MYO5B: variants seen among roughly 807,000 people sequenced by gnomAD.
MYO5B encodes the protein unconventional myosin-Vb.
A neutral mutation model predicts 229.3 loss-of-function variants in MYO5B; 143 were observed. The ratio of observed to expected loss-of-function variants is 0.62; its 90% CI spans 0.54 to 0.72. The LOEUF (loss-of-function observed/expected upper bound fraction) is 0.72. Among genes scored for constraint, MYO5B ranks in the 30% least tolerant of loss-of-function variants. MYO5B has a pLI of 0.00. For synonymous variants in MYO5B, 918 were observed against 885.2 expected, an observed-to-expected ratio of 1.04 and a Z score of -0.66; for missense variants, 2,321 against 2,331.0, an observed-to-expected ratio of 1.00 and a Z score of 0.09.
At chr18:50,113,372 T>C (rs912402357) in intron 1 of MYO5B, among the ~76,000 whole-genome samples, 1 of 152,140 alleles carries the variant, frequency 6.6e-6, no homozygotes, top group Admixed American at 6.5e-5. Flanking sequence ...TCGTGATCAT[T>C]TTTGCCAGTT....
chr18:50,136,616 C>T (rs1180858429), intron 1 of MYO5B, among the ~76,000 whole-genome samples: 1 of 152,096 alleles, frequency 6.6e-6, no homozygotes, highest in Non-Finnish European at 1.5e-5. Flanking sequence ...TACAAACATG[C>T]ACAGTTCTTG....
chr18:50,107,935 C>T (rs1362304644), intron 1 of MYO5B, among the ~76,000 whole-genome samples: 1 of 152,170 alleles, frequency 6.6e-6, no homozygotes, highest in African/African-American at 2.4e-5. Flanking sequence ...AAGACAGTCT[C>T]ACCCTGTTAC....
intron 1 of MYO5B, among the ~76,000 whole-genome samples, chr18:50,112,336 A>G (rs546480619): frequency 6.6e-6 from 1 of 152,316 alleles, no homozygotes; most frequent in African/African-American, 2.4e-5. Context: ...AAACACTGCT[A>G]TTAAGGATAA....
intron 4 of MYO5B, among the ~76,000 whole-genome samples, chr18:50,032,335 C>A (rs1040233298): frequency 2.6e-5 from 4 of 152,102 alleles, no homozygotes; most frequent in South Asian, 2.1e-4. Flanking sequence ...AACCACCCCC[C>A]AAAAAAACAT....
At chr18:50,026,696 G>A (rs1598963210) in intron 4 of MYO5B, among the ~76,000 whole-genome samples, 1 of 152,156 alleles carries the variant, frequency 6.6e-6, no homozygotes, top group Non-Finnish European at 1.5e-5. Flanking sequence ...TGAGGGATAC[G>A]ACACCTATGA....
chr18:50,074,425 T>A (rs952371806), intron 1 of MYO5B, among the ~76,000 whole-genome samples: 1 of 152,164 alleles, frequency 6.6e-6, no homozygotes. Flanking sequence ...GGATGTCACT[T>A]CCCTGCTTAA....
chr18:50,156,274 T>C (rs2032677066), intron 1 of MYO5B, among the ~76,000 whole-genome samples: 1 of 152,242 alleles, frequency 6.6e-6, no homozygotes, highest in South Asian at 2.1e-4. Flanking sequence ...TTCAAGATGC[T>C]AAGACCCTGA....
rs1320284318 is a variant in MYO5B, at chr18:49,984,709, G to A, written c.946+9C>T. 24 of 1,593,680 alleles carry A rather than the reference G, an allele frequency of 1.5e-5. No individual in the cohort carries two copies. Among genetic ancestry groups the A allele is most frequent in the Non-Finnish European group, 1.8e-5 (21 of 1,161,538 alleles). On this transcript the variant is annotated intron_variant, in intron 8 of 39. Coordinates refer to ENST00000285039, the MANE Select transcript of MYO5B (RefSeq NM_001080467.3). ...CGGGGCCTGCTTCCCCAACTAAGAA[G>A]CTCCTTACCGAGGAGTGTGAAGGCT...
At chr18:50,141,038 G>A (rs73430366) in intron 1 of MYO5B, among the ~76,000 whole-genome samples, 3,733 of 152,288 alleles carry the variant, frequency 0.025, 132 homozygotes, top group African/African-American at 0.085. Flanking sequence ...CATTATGCAG[G>A]TGTGGTTTAC....
chr18:49,847,801 G>A (rs916520743), intron 32 of MYO5B, among the ~76,000 whole-genome samples: 10 of 152,244 alleles, frequency 6.6e-5, no homozygotes, highest in Non-Finnish European at 1.5e-5. Context: ...AGGTGTTCAG[G>A]GCAAGGCCTG....
At chr18:49,885,699 G>A (rs1307072597) in intron 22 of MYO5B, among the ~76,000 whole-genome samples, 1 of 152,074 alleles carries the variant, frequency 6.6e-6, no homozygotes, top group Admixed American at 6.6e-5. Flanking sequence ...TCGGCATCAG[G>A]TAGAAAGGGG....
chr18:50,004,537 G>A (rs1202468417), intron 4 of MYO5B, among the ~76,000 whole-genome samples: 1 of 152,148 alleles, frequency 6.6e-6, no homozygotes, highest in East Asian at 1.9e-4. Context: ...CTAATTCAGA[G>A]GTAAAATGTC....
At chr18:49,906,721 C>A (rs1368812182) in intron 18 of MYO5B, 91 bp from the exon 19 acceptor site, 1 of 1,194,244 alleles carries the variant, frequency 8.4e-7, no homozygotes, top group Non-Finnish European at 1.2e-6. Flanking sequence ...ATGCAGAATC[C>A]CCTGGCCAGA....
rs190772676 is a variant in MYO5B at position 50,048,947 on chromosome 18, G to A, written c.138+6321C>T. ...TGAGGCACAAGAATTACTTGAACCG[G>A]GGGGGCAGAGGTTGAAGTGTGCCGA... On this transcript the variant is annotated intron_variant, in intron 2 of 39. Transcript: ENST00000285039. 1.8e-4 allele frequency among the ~76,000 whole-genome samples: 28 copies of A among 151,758 alleles called. 1 individual carries two copies. In the East Asian group the frequency reaches 2.9e-3, roughly 16 times the overall value.
chr18:50,086,536 G>C (rs186529230), intron 1 of MYO5B, among the ~76,000 whole-genome samples: 10 of 152,304 alleles, frequency 6.6e-5, no homozygotes, highest in Admixed American at 6.5e-4. Context: ...GGTGGACCTT[G>C]ACAAGTGTTC....
intron 22 of MYO5B, among the ~76,000 whole-genome samples, chr18:49,893,362 C>T (rs2024738169): frequency 6.6e-6 from 1 of 152,204 alleles, no homozygotes; most frequent in African/African-American, 2.4e-5. Context: ...CTTTGGACCT[C>T]ACCTTCTGGT....
intron 17 of MYO5B, among the ~76,000 whole-genome samples, chr18:49,924,243 G>A (rs535660046): frequency 6.6e-6 from 1 of 152,328 alleles, no homozygotes; most frequent in East Asian, 1.9e-4. Context: ...TAGGGAGGTA[G>A]CTTCTTGCTC....
intron 1 of MYO5B, among the ~76,000 whole-genome samples, chr18:50,130,974 C>G (rs2032245666): frequency 6.6e-6 from 1 of 152,162 alleles, no homozygotes; most frequent in Admixed American, 6.5e-5. Context: ...GCAGAAAAAC[C>G]TCTAGCCCCA....
chr18:50,086,972 G>A (rs1037741118), intron 1 of MYO5B, among the ~76,000 whole-genome samples: 1 of 152,046 alleles, frequency 6.6e-6, no homozygotes, highest in Non-Finnish European at 1.5e-5. Context: ...GGACTGACTG[G>A]GAATAGTAAA....
Sources: allele counts gnomAD v4.1 joint callset (sites outside exome capture counted in the v4.1 genomes callset), GRCh38; gene constraint gnomAD v4.1.1; transcripts MANE v1.5; gene names NCBI Gene and HGNC (gene_info 2026-07-23, HGNC 2026-07-21).